RAPGEF4: variants seen among roughly 807,000 people sequenced by gnomAD.
RAPGEF4 encodes the protein RAP guanine-nucleotide-exchange factor (GEF) 4.
RAPGEF4 carries 66 observed loss-of-function variants against 147.9 expected under a neutral mutation model. The observed-to-expected ratio is 0.45, with a 90% CI of 0.37 to 0.55. The LOEUF is 0.55. Ranked by LOEUF, RAPGEF4 falls within the 20% of genes least tolerant of loss-of-function variation. The probability of loss-of-function intolerance (pLI) is 0.00; values close to 1 mark genes in which losing one functional copy is unlikely to be tolerated. For synonymous variants in RAPGEF4, 419 were observed against 442.7 expected, an observed-to-expected ratio of 0.95 and a Z score of 0.67; for missense variants, 1,071 against 1,257.3, an observed-to-expected ratio of 0.85 and a Z score of 2.24.
At chr2:172,788,756 T>G (rs1685504610) in intron 1 of RAPGEF4, among the ~76,000 whole-genome samples, 1 of 152,006 alleles carries the variant, frequency 6.6e-6, no homozygotes, top group Admixed American at 6.6e-5. Context: ...TAGAAGAGCA[T>G]GGTGATGCAC....
chr2:172,963,310 G>A (rs559795340), intron 8 of RAPGEF4, among the ~76,000 whole-genome samples: 1 of 152,216 alleles, frequency 6.6e-6, no homozygotes, highest in South Asian at 2.1e-4. Flanking sequence ...GAAAAGTAAA[G>A]GTTAAAATAA....
At chr2:172,832,977 G>A (rs1192009890) in intron 4 of RAPGEF4, among the ~76,000 whole-genome samples, 1 of 152,212 alleles carries the variant, frequency 6.6e-6, no homozygotes, top group Non-Finnish European at 1.5e-5. Flanking sequence ...GCCAAGGTGG[G>A]CGGATCGCCT....
chr2:172,764,637 T>C (rs1005170127), intron 1 of RAPGEF4, among the ~76,000 whole-genome samples: 2 of 152,164 alleles, frequency 1.3e-5, no homozygotes, highest in African/African-American at 2.4e-5. Context: ...GGAGAGAATC[T>C]TAATTAAAGA....
intron 1 of RAPGEF4, among the ~76,000 whole-genome samples, chr2:172,766,940 G>A (rs1696904389): frequency 6.6e-6 from 1 of 152,158 alleles, no homozygotes; most frequent in Non-Finnish European, 1.5e-5. Context: ...ACAAGCAATT[G>A]CAGCATTTTC....
At chr2:172,799,279 C>T (rs1474721451) in intron 3 of RAPGEF4, among the ~76,000 whole-genome samples, 2 of 152,020 alleles carry the variant, frequency 1.3e-5, no homozygotes, top group South Asian at 4.2e-4. Context: ...GATGAGAAAA[C>T]GAAGTCCCCG....
chr2:172,871,965 C>CTGAT (rs1695295391), intron 4 of RAPGEF4, among the ~76,000 whole-genome samples: 1 of 152,170 alleles, frequency 6.6e-6, no homozygotes, highest in South Asian at 2.1e-4. Flanking sequence ...AGCTTCAAGT[C>CTGAT]TGATGTTAGG....
At chr2:172,877,419 T>C (rs112662780) in intron 4 of RAPGEF4, among the ~76,000 whole-genome samples, 1 of 151,752 alleles carries the variant, frequency 6.6e-6, no homozygotes, top group Non-Finnish European at 1.5e-5. Flanking sequence ...CTCATGTAGA[T>C]GATGGGTTGA....
At chr2:173,019,927 TC>T in intron 22 of RAPGEF4, among the ~76,000 whole-genome samples, 1 of 152,228 alleles carries the variant, frequency 6.6e-6, no homozygotes, top group East Asian at 1.9e-4. Context: ...CACTCTGTAA[TC>T]TATTTCTTTT....
At chr2:172,952,402 T>G (rs956371654) in intron 6 of RAPGEF4, among the ~76,000 whole-genome samples, 2 of 152,214 alleles carry the variant, frequency 1.3e-5, no homozygotes, top group Non-Finnish European at 2.9e-5. Flanking sequence ...GGCTTAGATT[T>G]GTAAAAGGAG....
intron 6 of RAPGEF4, among the ~76,000 whole-genome samples, chr2:172,953,234 T>C (rs1427366189): frequency 6.8e-6 from 1 of 148,006 alleles, no homozygotes; most frequent in Non-Finnish European, 1.5e-5. Context: ...ATACAATCTT[T>C]TATATCTATT....
chr2:172,798,846 A>G (rs911161063), intron 3 of RAPGEF4, among the ~76,000 whole-genome samples: 14 of 152,162 alleles, frequency 9.2e-5, no homozygotes, highest in African/African-American at 3.1e-4. Context: ...ATTGTAATGG[A>G]GGGTTAAATT....
At chr2:172,745,844 A>T (rs189195889) in intron 1 of RAPGEF4, among the ~76,000 whole-genome samples, 1 of 152,332 alleles carries the variant, frequency 6.6e-6, no homozygotes, top group East Asian at 1.9e-4. Context: ...AATGTGGTGA[A>T]CAATATCCTC....
At chr2:173,047,715 C>A (rs369281791) in intron 29 of RAPGEF4, among the ~76,000 whole-genome samples, 1 of 150,882 alleles carries the variant, frequency 6.6e-6, no homozygotes, top group African/African-American at 2.4e-5. Context: ...CTCACTCTGT[C>A]GCCCAGGCTG....
chr2:172,914,744 T>C (rs917235156), intron 4 of RAPGEF4, among the ~76,000 whole-genome samples: 17 of 152,236 alleles, frequency 1.1e-4, no homozygotes, highest in African/African-American at 4.1e-4. Context: ...CTATAAGCAA[T>C]ATATGAGATA....
At chr2:172,961,075 A>T (rs776405860) in intron 7 of RAPGEF4, 47 bp from the exon 8 acceptor site, 14 of 1,379,528 alleles carry the variant, frequency 1.0e-5, no homozygotes, top group Non-Finnish European at 1.4e-5. Flanking sequence ...TTTTCCTTCT[A>T]TAAACACTTC....
intron 4 of RAPGEF4, among the ~76,000 whole-genome samples, chr2:172,853,549 A>T (rs1244454241): frequency 6.6e-6 from 1 of 151,862 alleles, no homozygotes; most frequent in Non-Finnish European, 1.5e-5. Context: ...TTTCTGACTT[A>T]AAAAAATTCC....
intron 1 of RAPGEF4, among the ~76,000 whole-genome samples, chr2:172,773,804 T>C (rs1683886857): frequency 6.6e-6 from 1 of 152,004 alleles, no homozygotes; most frequent in African/African-American, 2.4e-5. Context: ...TCACCTGATA[T>C]CCTGGGGAAG....
intron 4 of RAPGEF4, among the ~76,000 whole-genome samples, chr2:172,852,803 TG>T (rs1693005178): frequency 1.3e-5 from 2 of 152,128 alleles, no homozygotes; most frequent in South Asian, 4.1e-4. Context: ...TTTAATTTGA[TG>T]AGAGTTTTTT....
intron 10 of RAPGEF4, among the ~76,000 whole-genome samples, chr2:172,978,582 G>T (rs1257961686): frequency 6.6e-6 from 1 of 152,166 alleles, no homozygotes; most frequent in Non-Finnish European, 1.5e-5. Context: ...AAAGGTAGGG[G>T]CCTGACCAAG....
Sources: gnomAD v4.1 joint callset for allele counts (sites outside exome capture counted in the v4.1 genomes callset) on GRCh38, gnomAD v4.1.1 for gene constraint, MANE v1.5 for transcripts, NCBI Gene and HGNC (gene_info 2026-07-23, HGNC 2026-07-21) for gene names.